PBK: variants seen among roughly 807,000 people sequenced by gnomAD.
The protein encoded by PBK is PDZ binding kinase.
PBK carries 22 observed loss-of-function variants against 33.5 expected under a neutral mutation model. That is an observed-to-expected ratio of 0.66 (90% CI 0.47 to 0.94). The LOEUF (loss-of-function observed/expected upper bound fraction) is 0.94, where lower values mean the gene tolerates loss of function less well. PBK is among the 40% of genes least tolerant of loss of function. The pLI is 0.00. For synonymous variants in PBK, 129 were observed against 123.8 expected (o/e 1.04, Z -0.28); for missense variants, 376 against 383.4 (o/e 0.98, Z 0.16).
chr8:27,815,780 CAT>C (rs1056870354), intron 6 of PBK, among the ~76,000 whole-genome samples: 6 of 152,284 alleles, frequency 3.9e-5, no homozygotes, highest in Non-Finnish European at 5.9e-5. Flanking sequence ...AGTCTGTAAA[CAT>C]AATAGCATGT....
rs1192115205 is a variant in PBK, at chr8:27,820,653, CTT to C, written c.505_506del (p.Lys169ValfsTer7). 1.3e-6 allele frequency: 2 copies of C among 1,567,880 alleles called. No homozygotes were observed. The highest frequency in any genetic ancestry group is 1.8e-6 in the Non-Finnish European group (2 of 1,141,792). ...CGCCTTTAATTACAACATTTGAAGA[CTT>C]TATGTCTCCATGAAGCAGTTTCTTT... ...QEKKLLHGDI[K>X]SSNVVIKGDF... On this transcript the variant is annotated frameshift_variant, in exon 6 of 8. Coordinates refer to ENST00000301905, the MANE Select transcript of PBK (RefSeq NM_018492.4). LOFTEE classifies it high-confidence loss of function.
intron 1 of PBK, among the ~76,000 whole-genome samples, chr8:27,836,807 C>G (rs1407309750): frequency 6.6e-6 from 1 of 152,168 alleles, no homozygotes; most frequent in African/African-American, 2.4e-5. Flanking sequence ...TCATTATGTT[C>G]TCTTACGACT....
chr8:27,824,041 G>C (rs74586798), intron 3 of PBK, among the ~76,000 whole-genome samples: 2,929 of 152,122 alleles, frequency 0.019, 103 homozygotes, highest in African/African-American at 0.067. Flanking sequence ...CTCCCTCACA[G>C]GTATAGCTCT....
intron 6 of PBK, 84 bp from the exon 7 acceptor site, chr8:27,811,218 TG>T: frequency 1.7e-6 from 2 of 1,150,618 alleles, no homozygotes; most frequent in Non-Finnish European, 2.6e-6. Context: ...GCGAACGATT[TG>T]AACAAGTAGT....
At chr8:27,821,307 G>A (rs777641487) in intron 5 of PBK, among the ~76,000 whole-genome samples, 7 of 152,058 alleles carry the variant, frequency 4.6e-5, no homozygotes, top group African/African-American at 7.2e-5. Context: ...TTGTTGCCCA[G>A]GCTGGAGTGC....
At chr8:27,827,556 T>TA (rs1026634182) in intron 3 of PBK, among the ~76,000 whole-genome samples, 10 of 152,252 alleles carry the variant, frequency 6.6e-5, no homozygotes, top group Admixed American at 2.0e-4. Context: ...AAAAGTAATT[T>TA]AAAAAAACAC....
At position 27,822,504 on chromosome 8, in the gene PBK, A is replaced by G; in HGVS notation, c.296-16T>C. On this transcript the variant is annotated splice_polypyrimidine_tract_variant and intron_variant, in intron 4 of 7. Coordinates refer to ENST00000301905, the MANE Select transcript of PBK (RefSeq NM_018492.4). The stretch of plus-strand genomic sequence containing the variant: ...GCACGATAACCTTAAAGAAAACATG[A>G]CATTTCTTCACTAATATAGAGAAGA... 1 of 1,539,764 alleles carries G rather than the reference A, an allele frequency of 6.5e-7. No individual in the cohort carries two copies. The highest frequency in any genetic ancestry group is 8.9e-7 in the Non-Finnish European group (1 of 1,128,404).
chr8:27,810,998 C>G lies in PBK; in HGVS notation c.732G>C (p.Ser244=). The change falls in exon 7 of 8, where the codon TCG becomes TCC. Residue 244 remains serine, a synonymous_variant. Coordinates refer to ENST00000301905, the MANE Select transcript of PBK (RefSeq NM_018492.4). ...GLTLWEMMTL[S]IPHINLSNDD... is the part of the protein sequence containing the mutation. ...CATTTGAAAGATTAATGTGTGGAAT[C>G]GATAAAGTCATCATTTCCCACAAAG... 6.2e-7 allele frequency: 1 copy of G among 1,611,008 alleles called. No homozygotes were observed. Among genetic ancestry groups the G allele is most frequent in the Non-Finnish European group, 8.5e-7 (1 of 1,177,352 alleles).
At chr8:27,834,111 T>A (rs1267177814) in intron 1 of PBK, among the ~76,000 whole-genome samples, 1 of 150,580 alleles carries the variant, frequency 6.6e-6, no homozygotes, top group Non-Finnish European at 1.5e-5. Context: ...CACTGCAACC[T>A]CTGCCTCCCA....
intron 1 of PBK, 39 bp downstream of exon 1, chr8:27,837,613 G>A (rs2128966730): frequency 6.6e-6 from 1 of 152,318 alleles, no homozygotes; most frequent in South Asian, 2.1e-4. Context: ...CTCCGGGCTC[G>A]GCCCCCGCCA....
intron 6 of PBK, among the ~76,000 whole-genome samples, chr8:27,818,922 GT>G (rs1401731904): frequency 2.6e-5 from 4 of 151,980 alleles, no homozygotes; most frequent in African/African-American, 9.7e-5. Flanking sequence ...AAACAGCTGT[GT>G]TTTTTTCTAA....
At chr8:27,811,245 T>A in intron 6 of PBK, 111 bp from the exon 7 acceptor site, 1 of 862,112 alleles carries the variant, frequency 1.2e-6, no homozygotes, top group Non-Finnish European at 1.9e-6. Context: ...GGTTAATCAG[T>A]GTAGCCAGAA....
rs1361230247 is a variant in PBK, at chr8:27,809,784, G to C, written c.*521C>G. On this transcript the variant is annotated 3_prime_UTR_variant, in exon 8 of 8. Coordinates refer to ENST00000301905, the MANE Select transcript of PBK (RefSeq NM_018492.4). Reference sequence around the variant, plus strand: ...AAACCAAAGATCTGAGGAGATCCAAGAGATCAAGACAATCTGTAACCAGAG... The same window carrying C: ...AAACCAAAGATCTGAGGAGATCCAACAGATCAAGACAATCTGTAACCAGAG... The C allele has an allele frequency of 6.6e-6, 1 of 152,222 alleles. No homozygotes were observed. The highest frequency in any genetic ancestry group is 2.4e-5 in the African/African-American group (1 of 41,430). The allele number at this position is 152,222 out of a possible 1,614,324, so 9.4% of individuals were successfully genotyped here.
At chr8:27,811,727 A>G (rs1466678592) in intron 6 of PBK, among the ~76,000 whole-genome samples, 1 of 152,208 alleles carries the variant, frequency 6.6e-6, no homozygotes, top group Non-Finnish European at 1.5e-5. Context: ...CTCTGGATCA[A>G]TTTAGTAAGC....
intron 6 of PBK, chr8:27,812,637 AAAAAC>A (rs1805713562): frequency 6.6e-6 from 1 of 151,632 alleles, no homozygotes; most frequent in East Asian, 2.0e-4. Flanking sequence ...AAAAAAAAAA[AAAAAC>A]ATCAAAAAGT....
intron 6 of PBK, among the ~76,000 whole-genome samples, chr8:27,814,707 T>C (rs1291672334): frequency 2.0e-5 from 3 of 152,316 alleles, no homozygotes; most frequent in South Asian, 2.1e-4. Flanking sequence ...TGTATTTTCC[T>C]TAATTATTCA....
intron 6 of PBK, among the ~76,000 whole-genome samples, chr8:27,817,738 C>A (rs1347320158): frequency 1.3e-5 from 2 of 152,022 alleles, no homozygotes; most frequent in Admixed American, 6.6e-5. Context: ...AAAGGTTTTT[C>A]TTATTTTAAA....
chr8:27,816,559 G>A (rs1805819160), intron 6 of PBK, among the ~76,000 whole-genome samples: 1 of 151,278 alleles, frequency 6.6e-6, no homozygotes, highest in African/African-American at 2.4e-5. Context: ...TGTATTTTTA[G>A]TAGAGACGGG....
At position 27,811,161 on chromosome 8, in the gene PBK, G is replaced by T. The variant is rs146146385; in HGVS notation, c.596-27C>A. ...TGAAACAAGCAAGATGGTTATGAAG[G>T]CAGGAGCTACAAATCACGAAAAGGC... On this transcript the variant is annotated intron_variant, in intron 6 of 7. Transcript: ENST00000301905. The T allele has an allele frequency of 2.8e-4, 449 of 1,611,134 alleles. 4 individuals carry two copies. In the East Asian group the frequency reaches 9.5e-3, roughly 34 times the overall value.
Sources: gnomAD v4.1 joint callset for allele counts (sites outside exome capture counted in the v4.1 genomes callset) on GRCh38, gnomAD v4.1.1 for gene constraint, MANE v1.5 for transcripts, NCBI Gene and HGNC (gene_info 2026-07-23, HGNC 2026-07-21) for gene names.